Variants in PACS2 observed in about 807,000 individuals in gnomAD.
PACS2 encodes PACS1-like protein.
PACS2 carries 36 observed loss-of-function variants against 113.0 expected under a neutral mutation model. That is an observed-to-expected ratio of 0.32 (90% CI 0.24 to 0.42). The LOEUF is 0.42. PACS2 is among the 10% of genes least tolerant of loss of function. The probability of loss-of-function intolerance (pLI) is 1.00; values close to 1 mark genes in which losing one functional copy is unlikely to be tolerated. For synonymous variants in PACS2, 589 were observed against 536.1 expected (o/e 1.10, Z -1.36); for missense variants, 1,015 against 1,239.5 (o/e 0.82, Z 2.72).
At chr14:105,310,336 C>T (rs1209284120), upstream of PACS2, among the ~76,000 whole-genome samples, 2 of 151,240 alleles carry the variant, frequency 1.3e-5, no homozygotes, top group African/African-American at 2.4e-5. Context: ...CAAGACCATC[C>T]TGGCTAACAC....
In PACS2 at chr14:105,384,476, C is replaced by A. The variant is rs369280604; in HGVS notation, c.1891+13C>A. 2 of 1,559,830 alleles carry A rather than the reference C, an allele frequency of 1.3e-6. No individual in the cohort carries two copies. Among genetic ancestry groups the A allele is most frequent in the Non-Finnish European group, 1.8e-6 (2 of 1,134,894 alleles). On this transcript the variant is annotated intron_variant, in intron 17 of 24. Transcript: ENST00000447393. ...GCCCAGAGTGCGGGTGAGGCCCGGGCGCGTCCACAGCCCACGCCACGGCGG... is the reference window on the plus strand; with the variant it reads ...GCCCAGAGTGCGGGTGAGGCCCGGGAGCGTCCACAGCCCACGCCACGGCGG...
At chr14:105,390,041 C>A (rs116887599) in intron 20 of PACS2, 38 bp downstream of exon 20, 19,800 of 1,578,468 alleles carry the variant, frequency 0.013, 158 homozygotes, top group Middle Eastern at 0.026. Flanking sequence ...GGAAACCGCA[C>A]ACCTGCCAAC....
intron 8 of PACS2, among the ~76,000 whole-genome samples, chr14:105,373,649 A>G (rs1294842866): frequency 6.6e-6 from 1 of 152,110 alleles, no homozygotes; most frequent in East Asian, 1.9e-4. Context: ...TTGGCCGGGC[A>G]TGGTGGTATG....
chr14:105,375,426 C>G (rs1308233349), intron 8 of PACS2, among the ~76,000 whole-genome samples: 1 of 141,994 alleles, frequency 7.0e-6, no homozygotes, highest in East Asian at 2.0e-4. Flanking sequence ...TGCAGTGAGC[C>G]GAGATCGTGC....
intron 20 of PACS2, 120 bp downstream of exon 20, chr14:105,390,123 G>A: frequency 1.1e-6 from 1 of 935,942 alleles, no homozygotes; most frequent in East Asian, 2.4e-5. Flanking sequence ...ATACGAGCTG[G>A]GGATTTGCCT....
chr14:105,328,990 C>T (rs934558131), intron 1 of PACS2, among the ~76,000 whole-genome samples: 11 of 152,210 alleles, frequency 7.2e-5, no homozygotes, highest in South Asian at 2.1e-4. Context: ...GAATTATAGG[C>T]GCTCTAGGCA....
chr14:105,358,888 C>T lies in PACS2; in HGVS notation c.423+3711C>T, dbSNP rs1040618301. ...TAGTTTCTCTCTATGAGTGTCTGCA[C>T]AGCCACAGGCTGCTGATGACAGCCC... On this transcript the variant is annotated intron_variant, in intron 4 of 24. Coordinates refer to ENST00000447393, the MANE Select transcript of PACS2 (RefSeq NM_001100913.3). The surrounding 1 kb of genome is among the most constrained non-coding windows in gnomAD (Gnocchi z 4.9). 1.3e-5 allele frequency among the ~76,000 whole-genome samples: 2 copies of T among 152,244 alleles called. No homozygotes were observed. The highest frequency in any genetic ancestry group is 2.9e-5 in the Non-Finnish European group (2 of 68,036).
At chr14:105,353,249 G>A (rs1445325154) in intron 3 of PACS2, among the ~76,000 whole-genome samples, 1 of 117,504 alleles carries the variant, frequency 8.5e-6, no homozygotes, top group Non-Finnish European at 1.7e-5. Context: ...CTGGGGAGAC[G>A]GGCACCCCCA....
intron 13 of PACS2, 70 bp from the exon 14 acceptor site, chr14:105,382,407 C>T: frequency 2.2e-6 from 2 of 925,858 alleles, no homozygotes; most frequent in Non-Finnish European, 3.6e-6. Context: ...ACTGCAGGCA[C>T]CAGGGCTGGC....
chr14:105,315,210 C>A lies in PACS2; in HGVS notation c.119+173C>A. 4.3e-6 allele frequency: 1 copy of A among 231,574 alleles called. No homozygotes were observed. Among genetic ancestry groups the A allele is most frequent in the Non-Finnish European group, 7.3e-6 (1 of 136,204 alleles). 14.3% of individuals were successfully genotyped at this position (231,574 alleles called of 1,614,324 possible). ...AGCCGCCGCCCCCCCGCAGCTCCGG[C>A]AAGCGCGGCCCCAGCCCCCCAGGTC... On this transcript the variant is annotated intron_variant, in intron 1 of 24. Transcript: ENST00000447393. This position sits in a 1 kb window ranked among gnomAD's most constrained non-coding sequence, Gnocchi z 4.4.
At chr14:105,383,583 T>TGTGGC (rs782414555) in intron 16 of PACS2, 70 bp downstream of exon 16, 33 of 1,465,136 alleles carry the variant, frequency 2.3e-5, no homozygotes, top group South Asian at 5.1e-5. Flanking sequence ...CATGGAGTGG[T>TGTGGC]GTGGCGTGGC....
intron 1 of PACS2, chr14:105,300,990 C>G (rs898691751): frequency 2.6e-5 from 4 of 153,256 alleles, no homozygotes; most frequent in African/African-American, 7.2e-5. Context: ...GTGAGCGCAG[C>G]CGAGGACTGG....
At chr14:105,363,312 C>T (rs1045467526) in intron 4 of PACS2, among the ~76,000 whole-genome samples, 44 of 152,210 alleles carry the variant, frequency 2.9e-4, no homozygotes, top group Non-Finnish European at 5.1e-4. Flanking sequence ...CATCTTCTTC[C>T]AATGGAAGGC....
upstream of PACS2, among the ~76,000 whole-genome samples, chr14:105,313,376 G>C (rs2058405606): frequency 6.6e-6 from 1 of 152,170 alleles, no homozygotes. Flanking sequence ...GAGATCCACC[G>C]GCCCTCTGCC....
chr14:105,334,208 C>T (rs2059414592), intron 1 of PACS2, among the ~76,000 whole-genome samples: 1 of 152,270 alleles, frequency 6.6e-6, no homozygotes, highest in African/African-American at 2.4e-5. Context: ...CCTGACACCT[C>T]CTCCTGCCAG....
chr14:105,351,876 G>A (rs2060193639), intron 2 of PACS2, among the ~76,000 whole-genome samples: 1 of 152,160 alleles, frequency 6.6e-6, no homozygotes, highest in Non-Finnish European at 1.5e-5. Flanking sequence ...AATGCTTTAA[G>A]CCAAGCATGG....
intron 1 of PACS2, among the ~76,000 whole-genome samples, chr14:105,322,326 G>A (rs963798228): frequency 2.6e-5 from 4 of 151,698 alleles, no homozygotes; most frequent in Non-Finnish European, 4.4e-5. Flanking sequence ...ATGCAGTGGC[G>A]CAATCTTGGC....
chr14:105,362,275 G>T (rs587632594), intron 4 of PACS2, among the ~76,000 whole-genome samples: 1 of 150,992 alleles, frequency 6.6e-6, no homozygotes, highest in African/African-American at 2.5e-5. Context: ...AAAATTAGCT[G>T]GGCGTGGTGG....
chr14:105,339,699 T>TAA (rs199609177), intron 1 of PACS2, among the ~76,000 whole-genome samples: 4 of 133,982 alleles, frequency 3.0e-5, no homozygotes, highest in South Asian at 2.4e-4. Context: ...CTGTCTCTAT[T>TAA]AAAAAAAAAA....
Sources: gnomAD v4.1 joint callset for allele counts (sites outside exome capture counted in the v4.1 genomes callset) on GRCh38, gnomAD v4.1.1 for gene constraint, Gnocchi (gnomAD v3.1) non-coding constraint, MANE v1.5 for transcripts, NCBI Gene and HGNC (gene_info 2026-07-23, HGNC 2026-07-21) for gene names.